BCO1: variants seen among roughly 807,000 people sequenced by gnomAD.
The protein encoded by BCO1 is beta,beta-carotene 15,15'-dioxygenase.
BCO1 carries 54 observed loss-of-function variants against 56.3 expected under a neutral mutation model. The ratio of observed to expected loss-of-function variants is 0.96; its 90% CI spans 0.77 to 1.20. The LOEUF (loss-of-function observed/expected upper bound fraction) is 1.20. Among genes scored for constraint, BCO1 ranks in the 50% most tolerant of loss-of-function variants. The pLI is 0.00. For missense variants in BCO1, 801 were observed against 690.9 expected (o/e 1.16, Z -1.79); for synonymous variants, 318 against 266.1 (o/e 1.20, Z -1.90).
chr16:81,259,752 G>A lies in BCO1; in HGVS notation c.270G>A (p.Val90=), dbSNP rs1400331518. ...ATATTGAGGCAAACAGGATTGTGGTGTCTGAGTTTGGAACAATGGCCTATC... is the reference window on the plus strand; with the variant it reads ...ATATTGAGGCAAACAGGATTGTGGTATCTGAGTTTGGAACAATGGCCTATC... The part of the protein sequence containing the change: ...NTNIEANRIV[V]SEFGTMAYPD... The change falls in exon 3 of 11, where the codon GTG becomes GTA. Residue 90 remains valine, a synonymous_variant. Transcript: ENST00000258168. 1.2e-6 allele frequency: 2 copies of A among 1,614,114 alleles called. No individual in the cohort carries two copies. The highest frequency in any genetic ancestry group is 1.7e-6 in the Non-Finnish European group (2 of 1,180,040).
intron 2 of BCO1, among the ~76,000 whole-genome samples, chr16:81,256,756 C>A (rs1294477702): frequency 2.0e-5 from 3 of 152,036 alleles, no homozygotes; most frequent in Non-Finnish European, 4.4e-5. Flanking sequence ...GACATGGTGG[C>A]ACATGCCTGT....
At chr16:81,264,121 G>C (rs1328424697) in intron 4 of BCO1, 1 of 180,710 alleles carries the variant, frequency 5.5e-6, no homozygotes, top group Non-Finnish European at 1.2e-5. Flanking sequence ...AAATGTTTTT[G>C]TAACCTCTCC....
At chr16:81,276,549 A>G (rs1907568896) in intron 7 of BCO1, among the ~76,000 whole-genome samples, 1 of 152,244 alleles carries the variant, frequency 6.6e-6, no homozygotes, top group Non-Finnish European at 1.5e-5. Flanking sequence ...GGGATGAGGC[A>G]GGAAGGAGCC....
At chr16:81,286,306 C>CT (rs34829433) in intron 9 of BCO1, among the ~76,000 whole-genome samples, 9 of 151,872 alleles carry the variant, frequency 5.9e-5, no homozygotes, top group South Asian at 2.1e-4. Context: ...AATGGAAAAT[C>CT]TTTTTTTTAA....
At chr16:81,243,875 CAGAG>C (rs979617662) in intron 1 of BCO1, among the ~76,000 whole-genome samples, 53 of 152,220 alleles carry the variant, frequency 3.5e-4, no homozygotes, top group African/African-American at 1.2e-3. Context: ...CTCAGGGAAA[CAGAG>C]AGAAGGAAAC....
At chr16:81,254,044 A>G (rs1353086284) in intron 2 of BCO1, among the ~76,000 whole-genome samples, 2 of 152,164 alleles carry the variant, frequency 1.3e-5, no homozygotes, top group Non-Finnish European at 2.9e-5. Flanking sequence ...AGGCTAGATG[A>G]TTGTCTCTTA....
At chr16:81,263,132 A>T (rs1250237692) in intron 4 of BCO1, 4 of 143,406 alleles carry the variant, frequency 2.8e-5, no homozygotes, top group Admixed American at 2.0e-4. Flanking sequence ...TTTTTTTGAA[A>T]AAGTGTCTTG....
At chr16:81,287,160 A>T (rs1908230049) in intron 9 of BCO1, 135 bp from the exon 10 acceptor site, 4 of 736,410 alleles carry the variant, frequency 5.4e-6, no homozygotes, top group Non-Finnish European at 9.9e-6. Context: ...GGTAGCTGTC[A>T]TTGGGAGACT....
intron 2 of BCO1, among the ~76,000 whole-genome samples, chr16:81,248,948 G>T (rs998083514): frequency 8.5e-5 from 13 of 152,080 alleles, no homozygotes; most frequent in African/African-American, 3.1e-4. Flanking sequence ...AGAGGCAGAG[G>T]CTGTGGTGAG....
intron 7 of BCO1, among the ~76,000 whole-genome samples, chr16:81,275,831 G>A (rs1287219970): frequency 6.6e-6 from 1 of 152,226 alleles, no homozygotes; most frequent in Non-Finnish European, 1.5e-5. Flanking sequence ...GTCAAAGGAA[G>A]GCAGGGCTGG....
intron 4 of BCO1, 87 bp from the exon 5 acceptor site, chr16:81,264,553 T>C (rs1906689328): frequency 2.7e-6 from 4 of 1,507,946 alleles, no homozygotes; most frequent in Non-Finnish European, 3.7e-6. Context: ...ACTTCAACCT[T>C]TCTCCTTTGA....
At chr16:81,243,530 G>C (rs558542224) in intron 1 of BCO1, among the ~76,000 whole-genome samples, 1 of 152,040 alleles carries the variant, frequency 6.6e-6, no homozygotes, top group Admixed American at 6.6e-5. Context: ...GTGCAGTGGC[G>C]TGATCTCAGC....
rs200428274 is a variant in BCO1 at position 81,262,222 on chromosome 16, C to T, written c.410C>T (p.Ala137Val). 156 of 1,613,814 alleles carry T rather than the reference C, an allele frequency of 9.7e-5. No homozygotes were observed. Among genetic ancestry groups the T allele is most frequent in the Middle Eastern group, 4.9e-4 (3 of 6,062 alleles). ...NIMKCGEDFY[A>V]TSETNYIRKI... Reference sequence around the variant, plus strand: ...ATGAAGTGCGGAGAAGACTTCTACGCGACCTCAGAGACCAATTACATCAGG... The same window carrying T: ...ATGAAGTGCGGAGAAGACTTCTACGTGACCTCAGAGACCAATTACATCAGG... Residue 137 changes from alanine (A) to valine (V), a missense_variant, in exon 4 of 11, where the codon GCG (alanine) becomes GTG (valine). Ala to Val is a moderately conservative substitution (Grantham distance 64). Coordinates refer to ENST00000258168, the MANE Select transcript of BCO1 (RefSeq NM_017429.3).
intron 8 of BCO1, among the ~76,000 whole-genome samples, chr16:81,281,968 C>G (rs188470445): frequency 2.0e-3 from 301 of 152,346 alleles, no homozygotes; most frequent in Non-Finnish European, 2.7e-3. Context: ...CACAGCGTAT[C>G]AGCAGCACAT....
chr16:81,255,827 T>G lies in BCO1; in HGVS notation c.194-3849T>G, dbSNP rs144508145. Among the ~76,000 whole-genome samples the G allele has an allele frequency of 2.4e-4, 37 of 151,222 alleles. No homozygotes were observed. In the East Asian group the frequency reaches 6.8e-3, roughly 28 times the overall value. On this transcript the variant is annotated intron_variant, in intron 2 of 10. Transcript: ENST00000258168. ...GCCTTTCTTTCTTTCTTTTTATTTA[T>G]TTATTTATTTATCTTTGACATTGAG... is the stretch of plus-strand genomic sequence containing the variant.
At chr16:81,257,703 C>A (rs1164873406) in intron 2 of BCO1, among the ~76,000 whole-genome samples, 2 of 151,766 alleles carry the variant, frequency 1.3e-5, no homozygotes, top group African/African-American at 2.4e-5. Context: ...TGGCAAAACC[C>A]TGTCTCTACT....
At chr16:81,275,236 C>G (rs1049482570) in intron 7 of BCO1, among the ~76,000 whole-genome samples, 2 of 152,230 alleles carry the variant, frequency 1.3e-5, no homozygotes, top group Admixed American at 1.3e-4. Flanking sequence ...TCCCCTCTGT[C>G]TGAAACCCTG....
chr16:81,276,006 T>G (rs1311295053), intron 7 of BCO1, among the ~76,000 whole-genome samples: 1 of 152,288 alleles, frequency 6.6e-6, no homozygotes, highest in East Asian at 1.9e-4. Context: ...AGGCCCGAGG[T>G]TCGTGTGCAC....
intron 2 of BCO1, among the ~76,000 whole-genome samples, chr16:81,258,262 GA>G (rs1906268949): frequency 2.0e-5 from 3 of 152,192 alleles, no homozygotes. Flanking sequence ...AGCAGCCGTA[GA>G]AAACTAACAC....
Sources: allele counts gnomAD v4.1 joint callset (sites outside exome capture counted in the v4.1 genomes callset), GRCh38; gene constraint gnomAD v4.1.1; transcripts MANE v1.5; gene names NCBI Gene and HGNC (gene_info 2026-07-23, HGNC 2026-07-21).